The following GLRB variants were observed in gnomAD, a reference collection of about 807,000 sequenced individuals.
GLRB encodes glycine receptor subunit beta.
GLRB carries 33 observed loss-of-function variants against 54.2 expected under a neutral mutation model. The observed-to-expected ratio is 0.61, with a 90% confidence interval of 0.46 to 0.81. The LOEUF (loss-of-function observed/expected upper bound fraction) is 0.81. GLRB is among the 40% of genes least tolerant of loss of function. The probability of loss-of-function intolerance (pLI) is 0.00; values close to 1 mark genes in which losing one functional copy is unlikely to be tolerated. For missense variants in GLRB, 572 were observed against 584.6 expected, an observed-to-expected ratio of 0.98 and a Z score of 0.22; for synonymous variants, 209 against 208.2, an observed-to-expected ratio of 1.00 and a Z score of -0.03.
intron 4 of GLRB, among the ~76,000 whole-genome samples, chr4:157,123,980 A>G (rs555463522): frequency 1.3e-5 from 2 of 151,756 alleles, no homozygotes; most frequent in East Asian, 3.9e-4. Flanking sequence ...TCATTAATGT[A>G]TCTATTTTGT....
intron 2 of GLRB, among the ~76,000 whole-genome samples, chr4:157,118,587 T>C (rs188111155): frequency 1.3e-5 from 2 of 151,598 alleles, no homozygotes; most frequent in East Asian, 3.9e-4. Flanking sequence ...AACTGATTGA[T>C]TTTCATCTTT....
intron 2 of GLRB, among the ~76,000 whole-genome samples, chr4:157,087,871 T>C (rs1472006032): frequency 6.6e-6 from 1 of 152,118 alleles, no homozygotes; most frequent in African/African-American, 2.4e-5. Context: ...ATTTTCCTTA[T>C]GCTTCTACCT....
intron 2 of GLRB, among the ~76,000 whole-genome samples, chr4:157,092,041 T>C (rs1014686338): frequency 6.9e-6 from 1 of 145,052 alleles, no homozygotes; most frequent in African/African-American, 2.7e-5. Flanking sequence ...AATATTGGAC[T>C]GAAAATTCAG....
chr4:157,144,743 T>A (rs1338223167), intron 8 of GLRB, among the ~76,000 whole-genome samples: 1 of 152,214 alleles, frequency 6.6e-6, no homozygotes, highest in South Asian at 2.1e-4. Flanking sequence ...TCAGTGAGTA[T>A]GTAGTTGCTA....
At chr4:157,136,337 ATC>A in intron 4 of GLRB, 130 bp from the exon 5 acceptor site, 1 of 666,516 alleles carries the variant, frequency 1.5e-6, no homozygotes, top group South Asian at 1.7e-5. Flanking sequence ...AGTTGTTGTG[ATC>A]TTGGTTGATG....
At position 157,153,013 on chromosome 4, in the gene GLRB, A is replaced by G. The variant is rs369898129; in HGVS notation, c.1197+3A>G. 196 of 1,610,910 alleles carry G rather than the reference A, an allele frequency of 1.2e-4. No individual in the cohort carries two copies. The highest frequency in any genetic ancestry group is 1.6e-4 in the Non-Finnish European group (187 of 1,177,228). On this transcript the variant is annotated splice_donor_region_variant and intron_variant, in intron 9 of 9. Coordinates refer to ENST00000264428, the MANE Select transcript of GLRB (RefSeq NM_000824.5). Reference sequence around the variant, plus strand: ...CTGTTCATATTAGCACTTTGCAGGTAAGGATAAAATTATGCCATGAAATCA... The same window carrying G: ...CTGTTCATATTAGCACTTTGCAGGTGAGGATAAAATTATGCCATGAAATCA...
intron 9 of GLRB, among the ~76,000 whole-genome samples, chr4:157,153,656 T>C (rs1737113099): frequency 6.6e-6 from 1 of 152,196 alleles, no homozygotes; most frequent in Non-Finnish European, 1.5e-5. Context: ...TAGTGGGCAA[T>C]GGTAAATTTC....
At chr4:157,160,169 C>T (rs1050700238) in intron 9 of GLRB, among the ~76,000 whole-genome samples, 8 of 152,008 alleles carry the variant, frequency 5.3e-5, no homozygotes, top group African/African-American at 7.3e-5. Flanking sequence ...TCTGCGGGAT[C>T]GGTGGTGATA....
chr4:157,145,114 A>G (rs530252735), intron 8 of GLRB, among the ~76,000 whole-genome samples: 87 of 152,298 alleles, frequency 5.7e-4, no homozygotes, highest in African/African-American at 2.0e-3. Flanking sequence ...TCTTATGTTC[A>G]TGCAGTGATA....
At chr4:157,091,169 T>C (rs573783470) in intron 2 of GLRB, among the ~76,000 whole-genome samples, 14 of 152,330 alleles carry the variant, frequency 9.2e-5, no homozygotes, top group African/African-American at 3.4e-4. Flanking sequence ...TTTCAGGTAA[T>C]GTTTTTGAAA....
intron 9 of GLRB, among the ~76,000 whole-genome samples, chr4:157,164,989 T>C (rs1737656135): frequency 6.6e-6 from 1 of 152,198 alleles, no homozygotes; most frequent in Non-Finnish European, 1.5e-5. Flanking sequence ...GTTTGAATTC[T>C]GAAACTGCTG....
At chr4:157,077,511 T>C (rs1172253633) in intron 1 of GLRB, among the ~76,000 whole-genome samples, 16 of 152,086 alleles carry the variant, frequency 1.1e-4, no homozygotes, top group Admixed American at 1.0e-3. Flanking sequence ...TCTTTTTCTT[T>C]AAAATACATT....
At chr4:157,120,052 C>T (rs1735749326) in intron 2 of GLRB, among the ~76,000 whole-genome samples, 1 of 151,504 alleles carries the variant, frequency 6.6e-6, no homozygotes, top group Admixed American at 6.6e-5. Flanking sequence ...GCTATGCAGC[C>T]ATAAAAAATG....
intron 9 of GLRB, among the ~76,000 whole-genome samples, chr4:157,166,453 A>C (rs1250850425): frequency 6.6e-6 from 1 of 152,092 alleles, no homozygotes; most frequent in Non-Finnish European, 1.5e-5. Context: ...GGTGTAACAG[A>C]AAATTTTCTT....
chr4:157,095,207 A>T (rs1199054104), intron 2 of GLRB, among the ~76,000 whole-genome samples: 3 of 151,994 alleles, frequency 2.0e-5, no homozygotes, highest in African/African-American at 7.3e-5. Flanking sequence ...TGAACTATGG[A>T]AAGAGTGATA....
chr4:157,087,189 G>T (rs1161618382), intron 2 of GLRB, among the ~76,000 whole-genome samples: 1 of 152,086 alleles, frequency 6.6e-6, no homozygotes, highest in Non-Finnish European at 1.5e-5. Flanking sequence ...ATGGGATAGT[G>T]GTTCACTGGG....
chr4:157,104,901 C>T (rs2126490991), intron 2 of GLRB, among the ~76,000 whole-genome samples: 1 of 150,910 alleles, frequency 6.6e-6, no homozygotes, highest in African/African-American at 2.4e-5. Flanking sequence ...AGTTGTAATG[C>T]CCCTTCTTTC....
At chr4:157,122,104 A>C (rs1008373911) in intron 3 of GLRB, among the ~76,000 whole-genome samples, 2 of 150,826 alleles carry the variant, frequency 1.3e-5, no homozygotes, top group African/African-American at 2.4e-5. Context: ...AAAAAAAAAA[A>C]CATTATAAAA....
chr4:157,122,336 C>T lies in GLRB; in HGVS notation c.236C>T (p.Pro79Leu). 1 of 1,263,494 alleles carries T rather than the reference C, an allele frequency of 7.9e-7. No individual in the cohort carries two copies. The highest frequency in any genetic ancestry group is 1.1e-6 in the Non-Finnish European group (1 of 875,862). The allele number at this position is 1,263,494 out of a possible 1,614,324, so 78.3% of individuals were successfully genotyped here. ...PRIRPNFKGI[P>L]VDVVVNIFIN... ...TCTTAATTTTTATTCATAGGCATTC[C>T]TGTTGATGTAGTAGTCAACATTTTT... Residue 79 changes from proline (P) to leucine (L), a missense_variant, in exon 4 of 10, where the codon CCT becomes CTT. Coordinates refer to ENST00000264428, the MANE Select transcript of GLRB (RefSeq NM_000824.5).
Sources: gnomAD v4.1 joint callset for allele counts (sites outside exome capture counted in the v4.1 genomes callset) on GRCh38, gnomAD v4.1.1 for gene constraint, MANE v1.5 for transcripts, NCBI Gene and HGNC (gene_info 2026-07-23, HGNC 2026-07-21) for gene names.